Variants in ATP6V1A observed in about 807,000 individuals in gnomAD.
The protein encoded by ATP6V1A is ATPase H+ transporting V1 subunit A, also known as V-type proton ATPase catalytic subunit A.
ATP6V1A carries 18 observed loss-of-function variants against 70.1 expected under a neutral mutation model. The ratio of observed to expected loss-of-function variants is 0.26; its 90% CI spans 0.18 to 0.38. The LOEUF (loss-of-function observed/expected upper bound fraction) is 0.38, where lower values mean the gene tolerates loss of function less well. Ranked by LOEUF, ATP6V1A falls within the 10% of genes least tolerant of loss-of-function variation. ATP6V1A has a pLI of 1.00. For synonymous variants in ATP6V1A, 232 were observed against 253.8 expected (o/e 0.91, Z 0.82); for missense variants, 424 against 772.4 (o/e 0.55, Z 5.35).
intron 1 of ATP6V1A, among the ~76,000 whole-genome samples, chr3:113,750,121 G>T (rs541147800): frequency 2.6e-5 from 4 of 152,156 alleles, no homozygotes; most frequent in Admixed American, 1.3e-4. Flanking sequence ...GTCCTTTTAC[G>T]TAATGCTGGG....
At chr3:113,760,681 A>G (rs1708693408) in intron 1 of ATP6V1A, among the ~76,000 whole-genome samples, 1 of 152,174 alleles carries the variant, frequency 6.6e-6, no homozygotes, top group Admixed American at 6.5e-5. Flanking sequence ...GTGAGCCGAG[A>G]TCGCACCATT....
chr3:113,775,314 C>T (rs1462542021), intron 1 of ATP6V1A, among the ~76,000 whole-genome samples: 1 of 150,952 alleles, frequency 6.6e-6, no homozygotes, highest in Non-Finnish European at 1.5e-5. Flanking sequence ...ACTGCAACCT[C>T]CTCCTCCCGG....
intron 12 of ATP6V1A, among the ~76,000 whole-genome samples, chr3:113,801,365 A>G (rs916102747): frequency 6.6e-6 from 1 of 152,222 alleles, no homozygotes; most frequent in Non-Finnish European, 1.5e-5. Context: ...AGGAATCTCA[A>G]AAGACTAATA....
chr3:113,751,539 AT>A (rs1199926532), intron 1 of ATP6V1A, among the ~76,000 whole-genome samples: 2 of 151,950 alleles, frequency 1.3e-5, no homozygotes, highest in African/African-American at 4.8e-5. Flanking sequence ...TTTATTTTAA[AT>A]AAATGAAATG....
At chr3:113,763,080 T>G (rs1291979709) in intron 1 of ATP6V1A, among the ~76,000 whole-genome samples, 1 of 151,884 alleles carries the variant, frequency 6.6e-6, no homozygotes, top group Non-Finnish European at 1.5e-5. Context: ...TCTCTTTCCT[T>G]TTTACCTTCC....
chr3:113,770,971 T>C (rs1708832837), intron 1 of ATP6V1A, among the ~76,000 whole-genome samples: 1 of 152,038 alleles, frequency 6.6e-6, no homozygotes, highest in South Asian at 2.1e-4. Context: ...GGCGCATGCC[T>C]GTAATTCCAG....
At chr3:113,784,152 T>G (rs1709012424) in intron 3 of ATP6V1A, 72 bp from the exon 4 acceptor site, 3 of 1,414,934 alleles carry the variant, frequency 2.1e-6, no homozygotes, top group Non-Finnish European at 2.0e-6. Context: ...ATTTCCTTGT[T>G]AAACTGTGGT....
chr3:113,780,784 G>A, intron 2 of ATP6V1A: 1 of 1,320,414 alleles, frequency 7.6e-7, no homozygotes, highest in Middle Eastern at 2.1e-4. Context: ...ATCCTACCAG[G>A]TAAGTTTGCC....
chr3:113,778,005 C>T lies in ATP6V1A; in HGVS notation c.-13-736C>T, dbSNP rs114326026. 1.8e-3 allele frequency among the ~76,000 whole-genome samples: 278 copies of T among 152,178 alleles called. 2 individuals carry two copies. The highest frequency in any genetic ancestry group is 6.4e-3 in the African/African-American group (265 of 41,520). Reference sequence around the variant, plus strand: ...ACTTCACATTTTTTGTTATAGTTATCGATATTTCCTATGAAATACCTCACA... The same window carrying T: ...ACTTCACATTTTTTGTTATAGTTATTGATATTTCCTATGAAATACCTCACA... On this transcript the variant is annotated intron_variant, in intron 1 of 14. Transcript: ENST00000273398.
chr3:113,771,776 G>T (rs1362900159), intron 1 of ATP6V1A, among the ~76,000 whole-genome samples: 1 of 151,842 alleles, frequency 6.6e-6, no homozygotes, highest in Non-Finnish European at 1.5e-5. Flanking sequence ...TATTTTTATG[G>T]ATACATAAGT....
chr3:113,787,244 T>C (rs539595775), intron 6 of ATP6V1A, among the ~76,000 whole-genome samples: 1 of 152,324 alleles, frequency 6.6e-6, no homozygotes, highest in Non-Finnish European at 1.5e-5. Context: ...TGATTTTTGG[T>C]GAAGGAAATC....
At chr3:113,797,835 A>T (rs1003950348) in intron 11 of ATP6V1A, among the ~76,000 whole-genome samples, 1 of 152,218 alleles carries the variant, frequency 6.6e-6, no homozygotes, top group Non-Finnish European at 1.5e-5. Flanking sequence ...TTGACCAGTG[A>T]ATTGTAGAAT....
intron 1 of ATP6V1A, among the ~76,000 whole-genome samples, chr3:113,774,008 A>T (rs1306219780): frequency 6.6e-6 from 1 of 152,202 alleles, no homozygotes; most frequent in Non-Finnish European, 1.5e-5. Context: ...GCTTAAAAAA[A>T]ATACAGTTGG....
Position 113,781,162 on chromosome 3 carries a change from G to A in ATP6V1A, c.195G>A (p.Gln65=), listed in dbSNP as rs1175455456. 2 of 1,608,860 alleles carry A rather than the reference G, an allele frequency of 1.2e-6. No individual in the cohort carries two copies. The highest frequency in any genetic ancestry group is 1.3e-5 in the African/African-American group (1 of 74,668). Reference sequence around the variant, plus strand: ...TGGAGGGTGACATGGCTACTATTCAGGTGTATGAAGAAACTTGTATCCTTT... The same window carrying A: ...TGGAGGGTGACATGGCTACTATTCAAGTGTATGAAGAAACTTGTATCCTTT... The part of the protein sequence containing the change: ...IRLEGDMATI[Q]VYEETSGVSV... Residue 65 remains glutamine, a synonymous_variant, in exon 3 of 15, where the codon CAG becomes CAA. Coordinates refer to ENST00000273398, the MANE Select transcript of ATP6V1A (RefSeq NM_001690.4).
intron 1 of ATP6V1A, among the ~76,000 whole-genome samples, chr3:113,771,733 G>A (rs575299181): frequency 4.6e-5 from 7 of 151,988 alleles, no homozygotes; most frequent in Non-Finnish European, 1.0e-4. Context: ...CACCGCGCCC[G>A]GCCTCTTTTT....
chr3:113,760,358 C>T (rs750228972), intron 1 of ATP6V1A, among the ~76,000 whole-genome samples: 6 of 152,210 alleles, frequency 3.9e-5, no homozygotes, highest in Non-Finnish European at 8.8e-5. Flanking sequence ...TTATGTAACA[C>T]TCTCTTCTAA....
intron 1 of ATP6V1A, among the ~76,000 whole-genome samples, chr3:113,751,924 T>TA (rs1489336380): frequency 1.3e-5 from 2 of 151,898 alleles, no homozygotes; most frequent in East Asian, 3.8e-4. Context: ...TAGCTGTTTT[T>TA]AAAAATTAAT....
rs551120790 is a variant in ATP6V1A, at chr3:113,764,814, G to A, written c.-13-13927G>A. Among the ~76,000 whole-genome samples, 60 of 152,080 alleles carry A rather than the reference G, an allele frequency of 3.9e-4. 2 individuals are homozygous for A. Among genetic ancestry groups the A allele is most frequent in the Non-Finnish European group, 7.6e-4 (52 of 67,976 alleles). ...AGGCCCGGCACAGTGGCTCATGCCT[G>A]TAATCCCAGCACTGTAATCATGCCT... On this transcript the variant is annotated intron_variant, in intron 1 of 14. Transcript: ENST00000273398.
chr3:113,759,280 G>A (rs1333036459), intron 1 of ATP6V1A, among the ~76,000 whole-genome samples: 1 of 139,686 alleles, frequency 7.2e-6, no homozygotes, highest in Non-Finnish European at 1.5e-5. Context: ...TTTCTATATA[G>A]TTACGGGTTT....
Sources: gnomAD v4.1 joint callset for allele counts (sites outside exome capture counted in the v4.1 genomes callset) on GRCh38, gnomAD v4.1.1 for gene constraint, MANE v1.5 for transcripts, NCBI Gene and HGNC (gene_info 2026-07-23, HGNC 2026-07-21) for gene names.